Variants in NTNG1 observed in about 807,000 individuals in gnomAD.
The protein encoded by NTNG1 is netrin-G1.
Under a neutral mutation model 54.0 loss-of-function variants are expected in NTNG1, and 16 were observed. The observed-to-expected ratio is 0.30, with a 90% CI of 0.20 to 0.45. The LOEUF is 0.45. Ranked by LOEUF, NTNG1 falls within the 20% of genes least tolerant of loss-of-function variation. The pLI is 1.00. For synonymous variants in NTNG1, 255 were observed against 263.1 expected, an observed-to-expected ratio of 0.97 and a Z score of 0.30; for missense variants, 530 against 678.7, an observed-to-expected ratio of 0.78 and a Z score of 2.43.
intron 3 of NTNG1, among the ~76,000 whole-genome samples, chr1:107,387,931 G>A (rs1672112687): frequency 6.6e-6 from 1 of 152,118 alleles, no homozygotes; most frequent in African/African-American, 2.4e-5. Flanking sequence ...TCAGTGCAAA[G>A]GCATCATCAT....
At chr1:107,294,358 G>A (rs558760869) in intron 2 of NTNG1, among the ~76,000 whole-genome samples, 123 of 152,230 alleles carry the variant, frequency 8.1e-4, no homozygotes, top group African/African-American at 2.9e-3. Flanking sequence ...GTTCCATGTT[G>A]CACCCCCGAG....
chr1:107,226,686 A>G (rs1292619917), intron 2 of NTNG1, among the ~76,000 whole-genome samples: 2 of 152,100 alleles, frequency 1.3e-5, no homozygotes, highest in Admixed American at 1.3e-4. Context: ...CTATACTTTC[A>G]TTATTGTGTG....
intron 2 of NTNG1, among the ~76,000 whole-genome samples, chr1:107,313,833 C>A (rs762799714): frequency 3.9e-5 from 6 of 152,134 alleles, no homozygotes; most frequent in South Asian, 4.2e-4. Context: ...AATGTGGATT[C>A]TTTTATAATT....
At chr1:107,450,043 C>T (rs1676531247) in intron 7 of NTNG1, among the ~76,000 whole-genome samples, 1 of 152,170 alleles carries the variant, frequency 6.6e-6, no homozygotes, top group Middle Eastern at 3.4e-3. Context: ...TAGGTTTATC[C>T]TGTTTCTTCA....
chr1:107,152,004 A>G (rs1347114001), intron 2 of NTNG1, among the ~76,000 whole-genome samples: 1 of 149,416 alleles, frequency 6.7e-6, no homozygotes, highest in Non-Finnish European at 1.5e-5. Flanking sequence ...ACACACATAT[A>G]TATATACACA....
chr1:107,212,880 C>A (rs1434373526), intron 2 of NTNG1, among the ~76,000 whole-genome samples: 2 of 151,894 alleles, frequency 1.3e-5, no homozygotes, highest in African/African-American at 2.4e-5. Context: ...TATTAACTCA[C>A]TTGATATGAG....
chr1:107,146,170 C>T (rs1022082611), intron 1 of NTNG1, among the ~76,000 whole-genome samples: 18 of 152,030 alleles, frequency 1.2e-4, no homozygotes, highest in Admixed American at 1.1e-3. Flanking sequence ...CATTCAAACT[C>T]AAAACAGTCA....
At chr1:107,457,922 C>T (rs939364106) in intron 7 of NTNG1, among the ~76,000 whole-genome samples, 1 of 152,004 alleles carries the variant, frequency 6.6e-6, no homozygotes, top group African/African-American at 2.4e-5. Context: ...ATCCCAGCTT[C>T]CTTAGTTAGA....
At chr1:107,214,829 C>T (rs1204848028) in intron 2 of NTNG1, among the ~76,000 whole-genome samples, 1 of 150,368 alleles carries the variant, frequency 6.7e-6, no homozygotes, top group Non-Finnish European at 1.5e-5. Context: ...GCCATTCTTG[C>T]AGGAGTGAGG....
intron 2 of NTNG1, among the ~76,000 whole-genome samples, chr1:107,271,217 A>C (rs546736972): frequency 1.6e-4 from 25 of 152,100 alleles, no homozygotes; most frequent in Non-Finnish European, 2.9e-4. Context: ...TTATTATTAT[A>C]CTCTAAGTTT....
intron 2 of NTNG1, among the ~76,000 whole-genome samples, chr1:107,202,102 T>G (rs558688730): frequency 6.6e-6 from 1 of 151,952 alleles, no homozygotes; most frequent in Non-Finnish European, 1.5e-5. Context: ...ACTAGAAGAG[T>G]TTTTAAAAAA....
chr1:107,452,035 A>G (rs549086702), intron 7 of NTNG1, among the ~76,000 whole-genome samples: 20 of 152,312 alleles, frequency 1.3e-4, no homozygotes, highest in African/African-American at 3.8e-4. Context: ...GTCTTGTTGA[A>G]AAAATTATAT....
chr1:107,168,519 A>T (rs1384715916), intron 2 of NTNG1, among the ~76,000 whole-genome samples: 1 of 152,088 alleles, frequency 6.6e-6, no homozygotes, highest in East Asian at 1.9e-4. Flanking sequence ...GTTCATGAGC[A>T]TCTCTGCTCC....
chr1:107,428,628 C>T (rs1038571711), intron 5 of NTNG1, among the ~76,000 whole-genome samples: 1 of 152,114 alleles, frequency 6.6e-6, no homozygotes, highest in Non-Finnish European at 1.5e-5. Context: ...GAATTCCAGG[C>T]AGTTCTCAAA....
chr1:107,421,697 C>G (rs1674585416), intron 5 of NTNG1, among the ~76,000 whole-genome samples: 1 of 152,054 alleles, frequency 6.6e-6, no homozygotes, highest in East Asian at 1.9e-4. Context: ...TGAAAGTGAG[C>G]AGCATCTCAT....
chr1:107,319,865 T>TTATATATATA lies in NTNG1; in HGVS notation c.247-4406_247-4397dup, dbSNP rs1553225209. Among the ~76,000 whole-genome samples, 1,019 of 147,910 alleles carry TTATATATATA rather than the reference T, an allele frequency of 6.9e-3. 12 individuals carry two copies. Among genetic ancestry groups the TTATATATATA allele is most frequent in the African/African-American group, 0.024 (972 of 39,964 alleles). On this transcript the variant is annotated intron_variant, in intron 2 of 7. Coordinates refer to ENST00000370068, the MANE Select transcript of NTNG1 (RefSeq NM_001113226.3). ...TACATTAATATCGCTTACCTGAGGT[T>TTATATATATA]TATATATATATATATATATAAAACT...
intron 2 of NTNG1, among the ~76,000 whole-genome samples, chr1:107,205,438 G>A (rs541236669): frequency 1.3e-4 from 20 of 152,146 alleles, no homozygotes; most frequent in African/African-American, 4.8e-4. Context: ...GCCTGTCCGA[G>A]CTCAAGCCAG....
intron 2 of NTNG1, among the ~76,000 whole-genome samples, chr1:107,261,506 T>C (rs1663322601): frequency 6.6e-6 from 1 of 152,280 alleles, no homozygotes; most frequent in Admixed American, 6.5e-5. Flanking sequence ...AATATTTTAC[T>C]TTCAAGCCTG....
intron 3 of NTNG1, among the ~76,000 whole-genome samples, chr1:107,331,567 G>C (rs1318867049): frequency 6.6e-6 from 1 of 152,036 alleles, no homozygotes; most frequent in African/African-American, 2.4e-5. Context: ...TTTTCTCAAT[G>C]TTAATTTTTC....
Sources: gnomAD v4.1 joint callset for allele counts (sites outside exome capture counted in the v4.1 genomes callset) on GRCh38, gnomAD v4.1.1 for gene constraint, MANE v1.5 for transcripts, NCBI Gene and HGNC (gene_info 2026-07-23, HGNC 2026-07-21) for gene names.